The following FBXL7 variants were observed in gnomAD, a reference collection of about 807,000 sequenced individuals.
The protein encoded by FBXL7 is F-box/LRR-repeat protein 7.
FBXL7 carries 12 observed loss-of-function variants against 38.3 expected under a neutral mutation model. The observed-to-expected ratio is 0.31, with a 90% CI of 0.20 to 0.51. The LOEUF is 0.51. Among genes scored for constraint, FBXL7 ranks in the 20% least tolerant of loss-of-function variants. FBXL7 has a pLI of 0.98. For synonymous variants in FBXL7, 297 were observed against 300.9 expected, an observed-to-expected ratio of 0.99 and a Z score of 0.13; for missense variants, 567 against 676.4, an observed-to-expected ratio of 0.84 and a Z score of 1.79.
chr5:15,810,422 G>A lies in FBXL7; in HGVS notation c.128-117468G>A, dbSNP rs181728276. 2.6e-4 allele frequency among the ~76,000 whole-genome samples: 39 copies of A among 152,134 alleles called. No individual in the cohort carries two copies. In the East Asian group the frequency reaches 5.0e-3, roughly 20 times the overall value. ...CTAAAAATACAAAAACCAGCCAGGCGTGGTGGTGCATACCTGTAACCCCAG... is the reference window on the plus strand; with the variant it reads ...CTAAAAATACAAAAACCAGCCAGGCATGGTGGTGCATACCTGTAACCCCAG... On this transcript the variant is annotated intron_variant, in intron 2 of 3. Coordinates refer to ENST00000504595, the MANE Select transcript of FBXL7 (RefSeq NM_012304.5).
intron 2 of FBXL7, among the ~76,000 whole-genome samples, chr5:15,626,544 C>CTGTGTGTGTGTGTG (rs71603784): frequency 0.017 from 2,491 of 148,308 alleles, 23 homozygotes; most frequent in Non-Finnish European, 0.021. Flanking sequence ...AATTCGTTTC[C>CTGTGTGTGTGTGTG]TGTGTGTGTG....
Position 15,936,815 on chromosome 5 carries a change from C to T in FBXL7, c.1105C>T (p.Arg369Cys). The change falls in exon 4 of 4, where the codon CGC becomes TGC. Residue 369 changes from arginine (R) to cysteine (C), a missense_variant. Arg to Cys is a radical substitution (Grantham distance 180). Coordinates refer to ENST00000504595, the MANE Select transcript of FBXL7 (RefSeq NM_012304.5). The surrounding 1 kb of genome is among the most constrained non-coding windows in gnomAD (Gnocchi z 6.0). The part of the protein sequence containing the change: ...HCGRVTDVGI[R>C]YVAKYCSKLR... ...CGGCCGGGTCACCGACGTGGGCATC[C>T]GCTACGTGGCCAAGTACTGCAGCAA... 1.9e-6 allele frequency: 3 copies of T among 1,613,006 alleles called. No individual in the cohort carries two copies. Among genetic ancestry groups the T allele is most frequent in the South Asian group, 1.1e-5 (1 of 90,926 alleles).
At chr5:15,562,115 A>G (rs1284318022) in intron 1 of FBXL7, among the ~76,000 whole-genome samples, 3 of 152,260 alleles carry the variant, frequency 2.0e-5, no homozygotes, top group Middle Eastern at 3.4e-3. Context: ...ACCATACGTC[A>G]GTTCAGAATG....
intron 2 of FBXL7, among the ~76,000 whole-genome samples, chr5:15,642,419 A>C (rs1741397749): frequency 6.6e-6 from 1 of 152,190 alleles, no homozygotes; most frequent in Non-Finnish European, 1.5e-5. Context: ...TGTTCAACTC[A>C]CAGAGTAAGA....
chr5:15,811,232 T>C (rs1737851869), intron 2 of FBXL7, among the ~76,000 whole-genome samples: 1 of 152,212 alleles, frequency 6.6e-6, no homozygotes, highest in South Asian at 2.1e-4. Context: ...GTGTGTCTAT[T>C]AGTCTCTCAG....
At chr5:15,647,261 A>G (rs936200692) in intron 2 of FBXL7, among the ~76,000 whole-genome samples, 1 of 152,250 alleles carries the variant, frequency 6.6e-6, no homozygotes, top group Non-Finnish European at 1.5e-5. Flanking sequence ...TAAGCCTAAT[A>G]GTTATTCACA....
chr5:15,764,610 G>A (rs1247508764), intron 2 of FBXL7, among the ~76,000 whole-genome samples: 1 of 152,222 alleles, frequency 6.6e-6, no homozygotes, highest in East Asian at 1.9e-4. Flanking sequence ...CATGAGGCCA[G>A]ACCAGTTAGT....
chr5:15,758,312 A>ATT (rs113472000), intron 2 of FBXL7, among the ~76,000 whole-genome samples: 10 of 146,248 alleles, frequency 6.8e-5, no homozygotes, highest in South Asian at 2.2e-4. Flanking sequence ...AAACAAGGGC[A>ATT]TTTTTTTTTT....
chr5:15,847,832 G>T (rs1227971497), intron 2 of FBXL7, among the ~76,000 whole-genome samples: 2 of 152,090 alleles, frequency 1.3e-5, no homozygotes, highest in Non-Finnish European at 2.9e-5. Flanking sequence ...GAGGTTATGG[G>T]AGCCTCTTGG....
intron 1 of FBXL7, among the ~76,000 whole-genome samples, chr5:15,610,146 C>A (rs1401495211): frequency 6.6e-6 from 1 of 152,190 alleles, no homozygotes; most frequent in African/African-American, 2.4e-5. Flanking sequence ...TATCTCCCAC[C>A]AGGGGTCCCT....
intron 1 of FBXL7, among the ~76,000 whole-genome samples, chr5:15,509,559 G>A (rs1176882398): frequency 6.6e-6 from 1 of 152,128 alleles, no homozygotes; most frequent in Non-Finnish European, 1.5e-5. Context: ...TTTAATTCCT[G>A]AAATGTCTAA....
At chr5:15,875,764 GA>G (rs1296845226) in intron 2 of FBXL7, among the ~76,000 whole-genome samples, 4 of 152,168 alleles carry the variant, frequency 2.6e-5, no homozygotes, top group African/African-American at 9.7e-5. Context: ...AGATCCTGGA[GA>G]GGATGTGGAG....
At chr5:15,569,612 A>G (rs1393077501) in intron 1 of FBXL7, among the ~76,000 whole-genome samples, 50 of 151,640 alleles carry the variant, frequency 3.3e-4, no homozygotes, top group African/African-American at 1.2e-3. Flanking sequence ...CCCTGGCCAG[A>G]ACTTCCAACA....
chr5:15,814,514 A>G (rs1737959590), intron 2 of FBXL7, among the ~76,000 whole-genome samples: 1 of 152,078 alleles, frequency 6.6e-6, no homozygotes, highest in Non-Finnish European at 1.5e-5. Flanking sequence ...ACCATGGCAC[A>G]TGTATACCTA....
intron 2 of FBXL7, among the ~76,000 whole-genome samples, chr5:15,849,409 C>T (rs1169521718): frequency 6.6e-6 from 1 of 152,148 alleles, no homozygotes; most frequent in African/African-American, 2.4e-5. Context: ...TGAATTTTAG[C>T]TCCCATAACT....
intron 1 of FBXL7, among the ~76,000 whole-genome samples, chr5:15,545,177 CAT>C (rs934739825): frequency 6.6e-6 from 1 of 152,206 alleles, no homozygotes; most frequent in Non-Finnish European, 1.5e-5. Context: ...TCACAACACA[CAT>C]GTCATGCTTA....
intron 1 of FBXL7, among the ~76,000 whole-genome samples, chr5:15,609,856 C>G (rs1178197154): frequency 2.0e-5 from 3 of 152,170 alleles, no homozygotes; most frequent in African/African-American, 7.2e-5. Flanking sequence ...TCTACAGCCT[C>G]TAGAGTTGCT....
intron 2 of FBXL7, among the ~76,000 whole-genome samples, chr5:15,922,450 G>C (rs962042376): frequency 1.3e-5 from 2 of 152,124 alleles, no homozygotes; most frequent in Non-Finnish European, 2.9e-5. Context: ...GGTGATATCT[G>C]CTCCTTGGTG....
At chr5:15,709,913 A>G (rs1203165184) in intron 2 of FBXL7, among the ~76,000 whole-genome samples, 2 of 152,112 alleles carry the variant, frequency 1.3e-5, no homozygotes, top group Non-Finnish European at 2.9e-5. Flanking sequence ...TAAGAACACT[A>G]ATTCTATTCA....
Sources: allele counts gnomAD v4.1 joint callset (sites outside exome capture counted in the v4.1 genomes callset), GRCh38; gene constraint gnomAD v4.1.1; non-coding constraint Gnocchi (gnomAD v3.1); transcripts MANE v1.5; gene names NCBI Gene and HGNC (gene_info 2026-07-23, HGNC 2026-07-21).